Variants in TMEFF2 observed in about 807,000 individuals in gnomAD.
TMEFF2 encodes the protein tomoregulin-2.
In TMEFF2, 28 loss-of-function variants were observed where a neutral mutation model predicts 53.8. The ratio of observed to expected loss-of-function variants is 0.52; its 90% CI spans 0.39 to 0.71. The LOEUF (loss-of-function observed/expected upper bound fraction) is 0.71. Ranked by LOEUF, TMEFF2 falls within the 30% of genes least tolerant of loss-of-function variation. TMEFF2 has a pLI of 0.00. For missense variants in TMEFF2, 353 were observed against 455.2 expected (o/e 0.78, Z 2.04); for synonymous variants, 162 against 166.3 (o/e 0.97, Z 0.20).
chr2:192,175,958 T>C (rs373764631), intron 4 of TMEFF2, among the ~76,000 whole-genome samples: 1 of 151,462 alleles, frequency 6.6e-6, no homozygotes, highest in Admixed American at 6.6e-5. Flanking sequence ...GAAAGACTTA[T>C]AGAGAAAAGC....
chr2:192,118,633 A>C (rs1021637458), intron 4 of TMEFF2, among the ~76,000 whole-genome samples: 6 of 152,194 alleles, frequency 3.9e-5, no homozygotes, highest in Non-Finnish European at 8.8e-5. Flanking sequence ...CTAAATATGA[A>C]GGCAGTTTTC....
chr2:192,091,876 G>A (rs1396668563), intron 4 of TMEFF2, among the ~76,000 whole-genome samples: 3 of 152,106 alleles, frequency 2.0e-5, no homozygotes, highest in Non-Finnish European at 4.4e-5. Flanking sequence ...GTGACACCTA[G>A]GTGCTGAAAC....
At chr2:191,991,736 A>G (rs1686112810) in intron 7 of TMEFF2, among the ~76,000 whole-genome samples, 1 of 152,136 alleles carries the variant, frequency 6.6e-6, no homozygotes, top group East Asian at 1.9e-4. Flanking sequence ...TCAAATAGGA[A>G]AAAGTGCACA....
At chr2:191,951,490 G>A (rs13006966) in intron 9 of TMEFF2, among the ~76,000 whole-genome samples, 1 of 148,656 alleles carries the variant, frequency 6.7e-6, no homozygotes, top group Non-Finnish European at 1.5e-5. Flanking sequence ...TAGAAGACAG[G>A]AGAGACCAGA....
rs143313802 is a variant in TMEFF2, at chr2:192,017,210, T to C, written c.537-18002A>G. Among the ~76,000 whole-genome samples the C allele has an allele frequency of 9.9e-5, 15 of 152,254 alleles. No individual in the cohort carries two copies. In the East Asian group the frequency reaches 2.9e-3, roughly 29 times the overall value. On this transcript the variant is annotated intron_variant, in intron 5 of 9. Transcript: ENST00000272771. ...ACTGGGGAGAGGAGTGCAGTGAGGC[T>C]GGAGAGGCAGGTGGGGCCAGGTCAT...
chr2:192,086,329 A>G (rs1036158672), intron 4 of TMEFF2, among the ~76,000 whole-genome samples: 5 of 152,176 alleles, frequency 3.3e-5, no homozygotes, highest in Non-Finnish European at 7.4e-5. Flanking sequence ...GCGTAAAGAT[A>G]ACTGCAATTA....
chr2:191,964,362 T>TTC lies in TMEFF2; in HGVS notation c.746-7986_746-7985dup, dbSNP rs1262352487. Among the ~76,000 whole-genome samples the TTC allele has an allele frequency of 6.0e-3, 604 of 100,796 alleles. 7 individuals are homozygous for TTC. Among genetic ancestry groups the TTC allele is most frequent in the African/African-American group, 7.8e-3 (172 of 22,144 alleles). The allele number at this position is 100,796 out of a possible 152,430, so 66.1% of individuals were successfully genotyped here. On this transcript the variant is annotated intron_variant, in intron 7 of 9. Transcript: ENST00000272771. Reference sequence around the variant, plus strand: ...TTTCTTTCTTTCTTTCTTTCTTTCTTTCTTTCTTTCTCTTTCTTTCTTTCT... The same window carrying TTC: ...TTTCTTTCTTTCTTTCTTTCTTTCTTTCTCTTTCTTTCTCTTTCTTTCTTTCT...
chr2:192,102,438 G>A (rs73982393), intron 4 of TMEFF2, among the ~76,000 whole-genome samples: 4,167 of 151,940 alleles, frequency 0.027, 216 homozygotes, highest in African/African-American at 0.094. Flanking sequence ...TATTTTCCAT[G>A]CTTCTCTTTC....
intron 5 of TMEFF2, among the ~76,000 whole-genome samples, chr2:192,001,796 G>T (rs146321574): frequency 0.02 from 3,108 of 152,156 alleles, 83 homozygotes; most frequent in African/African-American, 0.058. Flanking sequence ...CCCTACCCAC[G>T]TGGAACTGTG....
In TMEFF2 at chr2:192,104,064, C is replaced by A. The variant is rs187132245; in HGVS notation, c.440-46289G>T. Among the ~76,000 whole-genome samples, 403 of 152,122 alleles carry A rather than the reference C, an allele frequency of 2.6e-3. 7 individuals carry two copies. In the South Asian group the frequency reaches 0.034, roughly 13 times the overall value. On this transcript the variant is annotated intron_variant, in intron 4 of 9. Coordinates refer to ENST00000272771, the MANE Select transcript of TMEFF2 (RefSeq NM_016192.4). ...GTATTGAAAAGAAAGCAAAGGAAAGCAACCACTAAAGCAGGGAGAACTAAG... is the reference window on the plus strand; with the variant it reads ...GTATTGAAAAGAAAGCAAAGGAAAGAAACCACTAAAGCAGGGAGAACTAAG...
At position 192,023,893 on chromosome 2, in the gene TMEFF2, A is replaced by G. The variant is rs545615281; in HGVS notation, c.537-24685T>C. 2.6e-5 allele frequency among the ~76,000 whole-genome samples: 4 copies of G among 152,314 alleles called. No individual in the cohort carries two copies. The South Asian group carries it at 8.3e-4, about 32-fold the overall frequency. On this transcript the variant is annotated intron_variant, in intron 5 of 9. Coordinates refer to ENST00000272771, the MANE Select transcript of TMEFF2 (RefSeq NM_016192.4). ...GTTTAGCAACTTTCATTGAGTAAAG[A>G]TAATCACAAGCTTCAAAGTGATTAA... is the stretch of plus-strand genomic sequence containing the variant.
At chr2:192,112,946 G>A (rs769191196) in intron 4 of TMEFF2, among the ~76,000 whole-genome samples, 23 of 152,242 alleles carry the variant, frequency 1.5e-4, no homozygotes, top group Non-Finnish European at 2.1e-4. Flanking sequence ...CCTCAGCCAC[G>A]TGGAACTGTG....
At chr2:192,044,466 T>C (rs977441421) in intron 5 of TMEFF2, 1 of 152,230 alleles carries the variant, frequency 6.6e-6, no homozygotes, top group Admixed American at 6.5e-5. Context: ...CTAGTGGGCC[T>C]CTTTGGATTC....
chr2:192,073,608 T>C (rs948415017), intron 4 of TMEFF2, among the ~76,000 whole-genome samples: 1 of 151,978 alleles, frequency 6.6e-6, no homozygotes, highest in African/African-American at 2.4e-5. Flanking sequence ...CTAGTTTGTT[T>C]AGTAAGTCTG....
At chr2:192,056,757 G>A (rs2105902428) in intron 5 of TMEFF2, among the ~76,000 whole-genome samples, 2 of 152,178 alleles carry the variant, frequency 1.3e-5, no homozygotes, top group Middle Eastern at 3.4e-3. Context: ...CCTTTGGGAG[G>A]CGATTAGGTT....
intron 4 of TMEFF2, among the ~76,000 whole-genome samples, chr2:192,141,459 G>GAAAAAAAAAAAAAAAA (rs397987092): frequency 9.3e-6 from 1 of 107,230 alleles, no homozygotes; most frequent in Non-Finnish European, 1.8e-5. Flanking sequence ...TCTCAAAAAA[G>GAAAAAAAAAAAAAAAA]AAAAAAAAAA....
At chr2:191,988,807 GT>G (rs1559073795) in intron 7 of TMEFF2, among the ~76,000 whole-genome samples, 2 of 147,660 alleles carry the variant, frequency 1.4e-5, no homozygotes, top group Non-Finnish European at 1.5e-5. Flanking sequence ...TTTTTTTTTT[GT>G]TTTTTTGAAA....
chr2:192,011,154 AG>A (rs1267107396), intron 5 of TMEFF2, among the ~76,000 whole-genome samples: 2 of 152,224 alleles, frequency 1.3e-5, no homozygotes, highest in Non-Finnish European at 2.9e-5. Context: ...CAAAGAACCT[AG>A]GAGCATCCAC....
At chr2:192,088,125 G>A (rs938281348) in intron 4 of TMEFF2, among the ~76,000 whole-genome samples, 3 of 152,022 alleles carry the variant, frequency 2.0e-5, no homozygotes, top group African/African-American at 7.3e-5. Context: ...TCTTTGTAGG[G>A]CCTCTGAATA....
Sources: allele counts gnomAD v4.1 joint callset (sites outside exome capture counted in the v4.1 genomes callset), GRCh38; gene constraint gnomAD v4.1.1; transcripts MANE v1.5; gene names NCBI Gene and HGNC (gene_info 2026-07-23, HGNC 2026-07-21).